CAV1: variants seen among roughly 807,000 people sequenced by gnomAD.
CAV1 encodes caveolin 1.
In CAV1, 10 loss-of-function variants were observed where a neutral mutation model predicts 16.5. The observed-to-expected ratio is 0.61, with a 90% CI of 0.37 to 1.03. The LOEUF is 1.03. CAV1 is among the 50% of genes least tolerant of loss of function. The pLI is 0.01. For synonymous variants in CAV1, 76 were observed against 85.1 expected (o/e 0.89, Z 0.59); for missense variants, 212 against 232.8 (o/e 0.91, Z 0.58).
At chr7:116,533,422 C>T (rs1043176444) in intron 2 of CAV1, among the ~76,000 whole-genome samples, 1 of 149,800 alleles carries the variant, frequency 6.7e-6, no homozygotes, top group Admixed American at 6.6e-5. Flanking sequence ...ATAAAATGAA[C>T]GCCCCAAAAA....
Position 116,559,201 on chromosome 7 carries a change from T to G in CAV1, c.451T>G (p.Tyr151Asp), listed in dbSNP as rs1794353578. The change falls in exon 3 of 3, where the codon TAC becomes GAC. Residue 151 changes from tyrosine to aspartate, a missense_variant. Coordinates refer to ENST00000341049, the MANE Select transcript of CAV1 (RefSeq NM_001753.5). ...IQCISRVYSI[Y>D]VHTVCDPLFE... The stretch of plus-strand genomic sequence containing the variant: ...GTGCATCAGCCGTGTCTATTCCATC[T>G]ACGTCCACACCGTCTGTGACCCACT... 6.2e-7 allele frequency: 1 copy of G among 1,614,004 alleles called. No individual in the cohort carries two copies. Among genetic ancestry groups the G allele is most frequent in the Non-Finnish European group, 8.5e-7 (1 of 1,179,892 alleles).
intron 2 of CAV1, among the ~76,000 whole-genome samples, chr7:116,536,622 G>A (rs1793822350): frequency 1.3e-5 from 2 of 152,212 alleles, no homozygotes; most frequent in Admixed American, 1.3e-4. Context: ...ACTAGCAGAA[G>A]CCAGAGCAGC....
intron 2 of CAV1, among the ~76,000 whole-genome samples, chr7:116,540,983 T>G (rs569890415): frequency 6.6e-6 from 1 of 152,276 alleles, no homozygotes; most frequent in South Asian, 2.1e-4. Context: ...AACACACCCA[T>G]AGATGAATCC....
At chr7:116,558,583 T>TAAAA (rs35500345) in intron 2 of CAV1, among the ~76,000 whole-genome samples, 1 of 132,294 alleles carries the variant, frequency 7.6e-6, no homozygotes, top group Non-Finnish European at 1.6e-5. Flanking sequence ...CTCCATCTCT[T>TAAAA]AAAAAAAAAA....
intron 2 of CAV1, among the ~76,000 whole-genome samples, chr7:116,553,345 T>C (rs1794200991): frequency 6.6e-6 from 1 of 152,024 alleles, no homozygotes; most frequent in Non-Finnish European, 1.5e-5. Flanking sequence ...TGTTAACTCA[T>C]GTTTCTGAAA....
Position 116,559,435 on chromosome 7 carries a change from A to C in CAV1, c.*148A>C. On this transcript the variant is annotated 3_prime_UTR_variant, in exon 3 of 3. Transcript: ENST00000341049. The stretch of plus-strand genomic sequence containing the variant: ...TAAAAAGATCACTTTCTCAGTTTTC[A>C]TAAGTATTATGTCTCTTCTGAGCTA... The C allele has an allele frequency of 1.5e-6, 1 of 662,164 alleles. No homozygotes were observed. The allele number at this position is 662,164 out of a possible 1,614,324, so 41.0% of individuals were successfully genotyped here.
At chr7:116,526,499 G>GGCCGTCC (rs1793564016) in intron 1 of CAV1, 26 bp from the exon 2 acceptor site, 1 of 1,613,498 alleles carries the variant, frequency 6.2e-7, no homozygotes. Flanking sequence ...TCCCCGTCCT[G>GGCCGTCC]GCCGTCCGCC....
intron 2 of CAV1, among the ~76,000 whole-genome samples, chr7:116,536,308 C>A (rs1394237078): frequency 6.6e-6 from 1 of 151,988 alleles, no homozygotes; most frequent in Non-Finnish European, 1.5e-5. Context: ...ATGGTGCTTC[C>A]ATGTGTGATG....
At chr7:116,558,176 TA>T (rs1794330658) in intron 2 of CAV1, among the ~76,000 whole-genome samples, 1 of 152,200 alleles carries the variant, frequency 6.6e-6, no homozygotes, top group African/African-American at 2.4e-5. Flanking sequence ...GAAGAATTGT[TA>T]ACCGATTATC....
At chr7:116,542,969 C>T (rs937854639) in intron 2 of CAV1, 4 of 152,140 alleles carry the variant, frequency 2.6e-5, no homozygotes, top group Non-Finnish European at 4.4e-5. Context: ...TTCTCCAGTT[C>T]CTGGCACAGA....
At chr7:116,557,864 G>A (rs2116108855) in intron 2 of CAV1, among the ~76,000 whole-genome samples, 1 of 152,160 alleles carries the variant, frequency 6.6e-6, no homozygotes, top group South Asian at 2.1e-4. Context: ...CATCGATTGT[G>A]GCTACACTCC....
chr7:116,534,387 A>ATGTTTTTTTT (rs1196588254), intron 2 of CAV1, among the ~76,000 whole-genome samples: 1 of 9,250 alleles, frequency 1.1e-4, no homozygotes, highest in African/African-American at 2.9e-4. Context: ...ATATATATAT[A>ATGTTTTTTTT]TATATATATT....
intron 1 of CAV1, chr7:116,525,754 AC>A: frequency 9.5e-7 from 1 of 1,050,146 alleles, no homozygotes; most frequent in East Asian, 8.3e-5. Context: ...CCCTTCAGCC[AC>A]CCGCCCGCAG....
At chr7:116,557,186 G>A (rs1369130195) in intron 2 of CAV1, among the ~76,000 whole-genome samples, 1 of 152,128 alleles carries the variant, frequency 6.6e-6, no homozygotes, top group Non-Finnish European at 1.5e-5. Flanking sequence ...CATAATTGTG[G>A]CCATGCCGTT....
Position 116,555,578 on chromosome 7 carries a change from A to G in CAV1, c.196-3368A>G, listed in dbSNP as rs1407333221. On this transcript the variant is annotated intron_variant, in intron 2 of 2. Transcript: ENST00000341049. Reference sequence around the variant, plus strand: ...AAAGAAAGAAAGAAAGAAAGAAAGAAAGAAAGAAAGAAAGAAAGAAAGAAA... The same window carrying G: ...AAAGAAAGAAAGAAAGAAAGAAAGAGAGAAAGAAAGAAAGAAAGAAAGAAA... Among the ~76,000 whole-genome samples the G allele has an allele frequency of 4.3e-3, 437 of 100,460 alleles. 36 individuals carry two copies. Among genetic ancestry groups the G allele is most frequent in the Middle Eastern group, 8.4e-3 (2 of 238 alleles). The allele number at this position is 100,460 out of a possible 152,430, so 65.9% of individuals were successfully genotyped here.
intron 2 of CAV1, among the ~76,000 whole-genome samples, chr7:116,537,623 G>A (rs1281800912): frequency 2.0e-5 from 3 of 152,196 alleles, no homozygotes; most frequent in Non-Finnish European, 4.4e-5. Flanking sequence ...TCTGTAATAA[G>A]TCATGATCCC....
At chr7:116,539,683 T>A (rs1335033614) in intron 2 of CAV1, among the ~76,000 whole-genome samples, 5 of 152,204 alleles carry the variant, frequency 3.3e-5, no homozygotes, top group Non-Finnish European at 2.9e-5. Flanking sequence ...GTCTCCAGGT[T>A]GAGGAGGACA....
Position 116,526,182 on chromosome 7 carries a change from C to G in CAV1, c.31-343C>G, listed in dbSNP as rs529539888. 44 of 690,504 alleles carry G rather than the reference C, an allele frequency of 6.4e-5. No homozygotes were observed. In the South Asian group the frequency reaches 2.5e-3, roughly 40 times the overall value. 42.8% of individuals were successfully genotyped at this position (690,504 alleles called of 1,614,324 possible). A position where few individuals can be genotyped will look rare whatever the true frequency, so the allele number is the denominator to read the frequency against. On this transcript the variant is annotated intron_variant, in intron 1 of 2. Coordinates refer to ENST00000341049, the MANE Select transcript of CAV1 (RefSeq NM_001753.5). ...CCTCGCCGCCGAGGTCCTGCGGGTCCTGCGGGTCCTGCGTGCTGAGCCGGG... is the reference window on the plus strand; with the variant it reads ...CCTCGCCGCCGAGGTCCTGCGGGTCGTGCGGGTCCTGCGTGCTGAGCCGGG...
intron 2 of CAV1, among the ~76,000 whole-genome samples, chr7:116,550,030 G>C (rs1228611941): frequency 6.6e-6 from 1 of 152,154 alleles, no homozygotes; most frequent in Non-Finnish European, 1.5e-5. Context: ...GTGAAGAGAA[G>C]CAGATGAGTG....
Sources: allele counts gnomAD v4.1 joint callset (sites outside exome capture counted in the v4.1 genomes callset), GRCh38; gene constraint gnomAD v4.1.1; transcripts MANE v1.5; gene names NCBI Gene and HGNC (gene_info 2026-07-23, HGNC 2026-07-21).